Variants in SPAST observed in about 807,000 individuals in gnomAD.
The protein encoded by SPAST is spastic paraplegia 4 (autosomal dominant; spastin).
In SPAST, 30 loss-of-function variants were observed where a neutral mutation model predicts 76.6. The ratio of observed to expected loss-of-function variants is 0.39; its 90% confidence interval spans 0.29 to 0.53. The LOEUF is 0.53. Ranked by LOEUF, SPAST falls within the 20% of genes least tolerant of loss-of-function variation. The pLI is 0.68. For synonymous variants in SPAST, 305 were observed against 281.0 expected, an observed-to-expected ratio of 1.09 and a Z score of -0.86; for missense variants, 717 against 770.5, an observed-to-expected ratio of 0.93 and a Z score of 0.82.
In SPAST at chr2:32,154,546, C is replaced by G; in HGVS notation, c.*50C>G. 6.3e-7 allele frequency: 1 copy of G among 1,582,014 alleles called. No homozygotes were observed. The highest frequency in any genetic ancestry group is 8.7e-7 in the Non-Finnish European group (1 of 1,151,454). ...AACATTTTACTTAAAAGAGGAAACACAAGATCTTCAATGAACGTCATCGGC... is the reference window on the plus strand; with the variant it reads ...AACATTTTACTTAAAAGAGGAAACAGAAGATCTTCAATGAACGTCATCGGC... On this transcript the variant is annotated 3_prime_UTR_variant, in exon 17 of 17. Transcript: ENST00000315285.
Position 32,074,569 on chromosome 2 carries a change from C to T in SPAST, c.415+10323C>T, listed in dbSNP as rs74960675. On this transcript the variant is annotated intron_variant, in intron 1 of 16. Coordinates refer to ENST00000315285, the MANE Select transcript of SPAST (RefSeq NM_014946.4). ...CACCCAGGCTGGAGTTCAGTGGGGGCAATCTCAGCTCACTGCAGCCTCTGC... is the reference window on the plus strand; with the variant it reads ...CACCCAGGCTGGAGTTCAGTGGGGGTAATCTCAGCTCACTGCAGCCTCTGC... 1.3e-3 allele frequency among the ~76,000 whole-genome samples: 190 copies of T among 151,564 alleles called. 1 individual carries two copies. The highest frequency in any genetic ancestry group is 3.4e-3 in the Middle Eastern group (1 of 294).
In SPAST at chr2:32,077,153, C is replaced by T. The variant is rs548328340; in HGVS notation, c.416-10339C>T. On this transcript the variant is annotated intron_variant, in intron 1 of 16. Transcript: ENST00000315285. ...CCTCCCAAAGTGCTGGGATTATAGGCGTGAGCCACCGCGCCCGGCTTTAAT... is the reference window on the plus strand; with the variant it reads ...CCTCCCAAAGTGCTGGGATTATAGGTGTGAGCCACCGCGCCCGGCTTTAAT... Among the ~76,000 whole-genome samples, 8 of 152,264 alleles carry T rather than the reference C, an allele frequency of 5.3e-5. No homozygotes were observed. The South Asian group carries it at 1.2e-3, about 24-fold the overall frequency.
intron 1 of SPAST, among the ~76,000 whole-genome samples, chr2:32,086,421 G>T (rs917667323): frequency 6.6e-6 from 1 of 151,366 alleles, no homozygotes; most frequent in African/African-American, 2.4e-5. Context: ...AGCTAGGATT[G>T]TGCCCCTGCA....
chr2:32,132,466 C>T (rs968304271), intron 9 of SPAST, among the ~76,000 whole-genome samples: 1 of 151,816 alleles, frequency 6.6e-6, no homozygotes, highest in Non-Finnish European at 1.5e-5. Flanking sequence ...ACAATTTTTT[C>T]CTTATGTCTA....
In SPAST at chr2:32,116,223, T is replaced by C. The variant is rs749524266; in HGVS notation, c.1098+11T>C. 1.3e-6 allele frequency: 2 copies of C among 1,557,726 alleles called. No individual in the cohort carries two copies. The highest frequency in any genetic ancestry group is 2.2e-5 in the East Asian group (1 of 44,462). On this transcript the variant is annotated intron_variant, in intron 7 of 16. Transcript: ENST00000315285. ...TCTCTGAGGCCTGAGGTAAGAACTTTATATTATCATTTTTCTATAATACCA... is the reference window on the plus strand; with the variant it reads ...TCTCTGAGGCCTGAGGTAAGAACTTCATATTATCATTTTTCTATAATACCA...
intron 4 of SPAST, among the ~76,000 whole-genome samples, chr2:32,113,028 A>C (rs577485395): frequency 2.0e-5 from 3 of 152,348 alleles, no homozygotes; most frequent in African/African-American, 7.2e-5. Flanking sequence ...CAACTTAATC[A>C]GAGGTGTTCT....
intron 2 of SPAST, 89 bp downstream of exon 2, chr2:32,087,667 T>TTATTTTTC: frequency 2.0e-6 from 1 of 489,942 alleles, no homozygotes; most frequent in Non-Finnish European, 3.4e-6. Flanking sequence ...ATTTATTTAT[T>TTATTTTTC]TTTCTTTCTT....
At position 32,065,387 on chromosome 2, in the gene SPAST, T is replaced by C. The variant is rs181091319; in HGVS notation, c.415+1141T>C. On this transcript the variant is annotated intron_variant, in intron 1 of 16. Transcript: ENST00000315285. ...AGCTTTGCATGTGTTATCTTTTTTC[T>C]TTTTAAAAAAAATAGCAACCATCCC... 2.1e-4 allele frequency among the ~76,000 whole-genome samples: 32 copies of C among 152,284 alleles called. No individual in the cohort carries two copies. The East Asian group carries it at 4.2e-3, about 20-fold the overall frequency.
At chr2:32,084,429 G>C (rs542214096) in intron 1 of SPAST, among the ~76,000 whole-genome samples, 11 of 152,018 alleles carry the variant, frequency 7.2e-5, no homozygotes, top group African/African-American at 2.4e-4. Flanking sequence ...CTCCCAAAGT[G>C]CTGGGATTAC....
At chr2:32,100,297 G>A (rs191601802) in intron 4 of SPAST, among the ~76,000 whole-genome samples, 3 of 148,588 alleles carry the variant, frequency 2.0e-5, no homozygotes, top group Admixed American at 6.7e-5. Context: ...TGTTTTTGAC[G>A]GTCCAGCTAG....
intron 1 of SPAST, among the ~76,000 whole-genome samples, chr2:32,087,178 GTATA>G (rs1312959716): frequency 1.3e-5 from 2 of 152,062 alleles, no homozygotes; most frequent in African/African-American, 2.4e-5. Flanking sequence ...TTTTTCAAAA[GTATA>G]TATACTTAAA....
chr2:32,106,245 A>G (rs894763124), intron 4 of SPAST, among the ~76,000 whole-genome samples: 11 of 152,270 alleles, frequency 7.2e-5, no homozygotes, highest in African/African-American at 2.4e-4. Context: ...TTCCGTTGGC[A>G]TGGGACCCTC....
Position 32,154,566 on chromosome 2 carries a change from A to G in SPAST, c.*70A>G. On this transcript the variant is annotated 3_prime_UTR_variant, in exon 17 of 17. Transcript: ENST00000315285. ...AAACACAAGATCTTCAATGAACGTC[A>G]TCGGCTACAGAAACAGCCTAAGTTT... The G allele has an allele frequency of 4.0e-6, 6 of 1,506,758 alleles. No homozygotes were observed. In the South Asian group the frequency reaches 6.8e-5, roughly 17 times the overall value. The allele number at this position is 1,506,758 out of a possible 1,614,324, so 93.3% of individuals were successfully genotyped here. A position where few individuals can be genotyped will look rare whatever the true frequency, so the allele number is the denominator to read the frequency against.
intron 1 of SPAST, among the ~76,000 whole-genome samples, chr2:32,086,584 C>A (rs980577658): frequency 6.6e-6 from 1 of 151,860 alleles, no homozygotes; most frequent in African/African-American, 2.4e-5. Context: ...GTGAAAACCC[C>A]GTCTTTATAC....
At chr2:32,082,550 G>A (rs1677280596) in intron 1 of SPAST, among the ~76,000 whole-genome samples, 1 of 151,948 alleles carries the variant, frequency 6.6e-6, no homozygotes, top group Non-Finnish European at 1.5e-5. Context: ...TACAAAATTA[G>A]CCGGGCGTGG....
chr2:32,102,588 A>G (rs1381171743), intron 4 of SPAST, among the ~76,000 whole-genome samples: 2 of 152,222 alleles, frequency 1.3e-5, no homozygotes, highest in African/African-American at 2.4e-5. Context: ...CCCATTCAGT[A>G]TGATATTGGC....
intron 7 of SPAST, among the ~76,000 whole-genome samples, chr2:32,121,178 G>C (rs1679004735): frequency 6.6e-6 from 1 of 152,004 alleles, no homozygotes; most frequent in African/African-American, 2.4e-5. Context: ...GGGGGAAGGA[G>C]TCTCACTCTT....
At chr2:32,145,040 T>A in intron 15 of SPAST, 33 bp downstream of exon 15, 1 of 1,470,136 alleles carries the variant, frequency 6.8e-7, no homozygotes, top group Non-Finnish European at 9.5e-7. Flanking sequence ...CATTTAGAAC[T>A]ATTTATTATA....
Position 32,075,170 on chromosome 2 carries a change from C to A in SPAST, c.415+10924C>A, listed in dbSNP as rs543094492. On this transcript the variant is annotated intron_variant, in intron 1 of 16. Coordinates refer to ENST00000315285, the MANE Select transcript of SPAST (RefSeq NM_014946.4). ...GGGCGTGGTGGCTCACGCTTGTAAT[C>A]CCAGCACTTTGGGAGGCTGAGGTGG... Among the ~76,000 whole-genome samples the A allele has an allele frequency of 6.0e-4, 91 of 152,028 alleles. 1 individual carries two copies. The highest frequency in any genetic ancestry group is 8.1e-4 in the Non-Finnish European group (55 of 67,992).
Sources: gnomAD v4.1 joint callset for allele counts (sites outside exome capture counted in the v4.1 genomes callset) on GRCh38, gnomAD v4.1.1 for gene constraint, MANE v1.5 for transcripts, NCBI Gene and HGNC (gene_info 2026-07-23, HGNC 2026-07-21) for gene names.